Variants in XKR6 observed in about 807,000 individuals in gnomAD.
The protein encoded by XKR6 is XK related 6.
A neutral mutation model predicts 56.7 loss-of-function variants in XKR6; 22 were observed. The ratio of observed to expected loss-of-function variants is 0.39; its 90% CI spans 0.28 to 0.55. The LOEUF (loss-of-function observed/expected upper bound fraction) is 0.55, where lower values mean the gene tolerates loss of function less well. XKR6 is among the 20% of genes least tolerant of loss of function. The pLI is 0.66. For synonymous variants in XKR6, 524 were observed against 387.8 expected, an observed-to-expected ratio of 1.35 and a Z score of -4.13; for missense variants, 852 against 889.0, an observed-to-expected ratio of 0.96 and a Z score of 0.53.
chr8:11,173,642 C>T (rs1049506759), intron 1 of XKR6, among the ~76,000 whole-genome samples: 5 of 152,030 alleles, frequency 3.3e-5, no homozygotes, highest in Middle Eastern at 3.2e-3. Flanking sequence ...CGTTGGGTGT[C>T]CTGTACATGG....
rs928482384 is a variant in XKR6 at position 10,897,592 on chromosome 8, CT to C, written c.*359del. The C allele has an allele frequency of 3.1e-3, 516 of 166,946 alleles. No individual in the cohort carries two copies. The highest frequency in any genetic ancestry group is 8.4e-3 in the Middle Eastern group (3 of 356). 10.3% of individuals were successfully genotyped at this position (166,946 alleles called of 1,614,324 possible). A position where few individuals can be genotyped will look rare whatever the true frequency, so the allele number is the denominator to read the frequency against. On this transcript the variant is annotated 3_prime_UTR_variant, in exon 3 of 3. Transcript: ENST00000416569. ...TCTACACTTGGTGTAAGGTAAAAAA[CT>C]TTTTTTTTTTCTTTTGGAGTGGAGA...
At chr8:10,960,037 G>C (rs1802014363) in intron 1 of XKR6, among the ~76,000 whole-genome samples, 1 of 152,178 alleles carries the variant, frequency 6.6e-6, no homozygotes, top group Admixed American at 6.5e-5. Flanking sequence ...ATTTGCACCT[G>C]GCACCTTGTG....
chr8:11,190,428 T>C (rs1010051913), intron 1 of XKR6, among the ~76,000 whole-genome samples: 1 of 152,178 alleles, frequency 6.6e-6, no homozygotes, highest in Admixed American at 6.5e-5. Flanking sequence ...ACCTACATAT[T>C]CCTTTGTGTA....
intron 1 of XKR6, among the ~76,000 whole-genome samples, chr8:11,028,392 T>A (rs1798918245): frequency 6.6e-6 from 1 of 152,268 alleles, no homozygotes; most frequent in Non-Finnish European, 1.5e-5. Context: ...TCAGTAAGTA[T>A]GAATAAAGCT....
At chr8:11,190,482 G>C (rs1220810555) in intron 1 of XKR6, among the ~76,000 whole-genome samples, 7 of 152,156 alleles carry the variant, frequency 4.6e-5, no homozygotes, top group Non-Finnish European at 1.0e-4. Flanking sequence ...CCCTGAGAAA[G>C]AGAATGGAGT....
chr8:11,118,593 T>C (rs1437813209), intron 1 of XKR6, among the ~76,000 whole-genome samples: 1 of 152,194 alleles, frequency 6.6e-6, no homozygotes, highest in Non-Finnish European at 1.5e-5. Flanking sequence ...AGTTTATTTG[T>C]GTAGAGGTGT....
At chr8:11,039,290 G>A (rs1236314612) in intron 1 of XKR6, among the ~76,000 whole-genome samples, 1 of 152,236 alleles carries the variant, frequency 6.6e-6, no homozygotes, top group South Asian at 2.1e-4. Flanking sequence ...CAAAAGGCAG[G>A]AGGAAGCAAC....
chr8:10,979,996 G>A (rs1231431774), intron 1 of XKR6, among the ~76,000 whole-genome samples: 8 of 152,212 alleles, frequency 5.3e-5, no homozygotes, highest in African/African-American at 1.4e-4. Flanking sequence ...CTGCTGCCCC[G>A]TCCTGGCTCA....
chr8:11,130,898 A>G (rs1338418937), intron 1 of XKR6, among the ~76,000 whole-genome samples: 2 of 152,136 alleles, frequency 1.3e-5, no homozygotes, highest in Non-Finnish European at 1.5e-5. Flanking sequence ...AACCTTGCAG[A>G]GCAGCAAATG....
intron 1 of XKR6, among the ~76,000 whole-genome samples, chr8:11,113,562 C>CT (rs1799010335): frequency 6.6e-6 from 1 of 152,094 alleles, no homozygotes; most frequent in Non-Finnish European, 1.5e-5. Context: ...CATTACAATT[C>CT]TTTAACATAG....
Position 11,200,568 on chromosome 8 carries a change from G to C in XKR6, c.764+8C>G, listed in dbSNP as rs761547779. On this transcript the variant is annotated splice_region_variant and intron_variant, in intron 1 of 2. Transcript: ENST00000416569. This position sits in a 1 kb window ranked among gnomAD's most constrained non-coding sequence, Gnocchi z 6.4. The stretch of plus-strand genomic sequence containing the variant: ...GGCCGGCCCGCCCCCACCCCGCAGT[G>C]CTCTTACCTCCACACCTGCCCCATC... 6.8e-7 allele frequency: 1 copy of C among 1,479,608 alleles called. No homozygotes were observed. The highest frequency in any genetic ancestry group is 1.5e-5 in the African/African-American group (1 of 67,516). The allele number at this position is 1,479,608 out of a possible 1,614,324, so 91.7% of individuals were successfully genotyped here. A position where few individuals can be genotyped will look rare whatever the true frequency, so the allele number is the denominator to read the frequency against.
At chr8:10,984,722 C>CTATATA (rs1353804781) in intron 1 of XKR6, among the ~76,000 whole-genome samples, 10 of 79,198 alleles carry the variant, frequency 1.3e-4, no homozygotes, top group African/African-American at 5.7e-4. Context: ...CTCTCTCTCT[C>CTATATA]TCTCTCTCTC....
intron 1 of XKR6, among the ~76,000 whole-genome samples, chr8:11,084,214 T>A (rs1032435605): frequency 3.3e-5 from 5 of 152,244 alleles, no homozygotes; most frequent in African/African-American, 9.6e-5. Flanking sequence ...CTAATTAGGT[T>A]ATGACTTCAA....
At chr8:10,918,554 C>T (rs1208695905) in intron 2 of XKR6, among the ~76,000 whole-genome samples, 1 of 152,224 alleles carries the variant, frequency 6.6e-6, no homozygotes, top group African/African-American at 2.4e-5. Context: ...TATCTGTCTC[C>T]TCCAGACTCA....
chr8:11,013,824 G>A (rs539255172), intron 1 of XKR6, among the ~76,000 whole-genome samples: 1 of 152,364 alleles, frequency 6.6e-6, no homozygotes, highest in South Asian at 2.1e-4. Context: ...GGAATTTGCT[G>A]TGTGAAGTCC....
intron 1 of XKR6, among the ~76,000 whole-genome samples, chr8:11,030,011 G>T (rs1330854806): frequency 1.3e-5 from 2 of 152,038 alleles, no homozygotes; most frequent in African/African-American, 4.8e-5. Context: ...AAACCATGTA[G>T]ATCACTCCAC....
intron 1 of XKR6, among the ~76,000 whole-genome samples, chr8:11,084,985 C>T (rs1189730807): frequency 6.6e-6 from 1 of 152,264 alleles, no homozygotes; most frequent in South Asian, 2.1e-4. Flanking sequence ...GTAAATGCCC[C>T]GCAACCACCT....
At chr8:11,034,453 A>G (rs1232685556) in intron 1 of XKR6, among the ~76,000 whole-genome samples, 1 of 152,198 alleles carries the variant, frequency 6.6e-6, no homozygotes, top group Non-Finnish European at 1.5e-5. Flanking sequence ...CTCCAGGTGA[A>G]ATGTACCACA....
intron 1 of XKR6, among the ~76,000 whole-genome samples, chr8:11,160,927 A>AAG (rs1268778199): frequency 3.3e-5 from 5 of 151,270 alleles, no homozygotes; most frequent in Non-Finnish European, 4.4e-5. Flanking sequence ...AAAAAAAAAA[A>AAG]AAAAGAAAAA....
Sources: gnomAD v4.1 joint callset for allele counts (sites outside exome capture counted in the v4.1 genomes callset) on GRCh38, gnomAD v4.1.1 for gene constraint, Gnocchi (gnomAD v3.1) non-coding constraint, MANE v1.5 for transcripts, NCBI Gene and HGNC (gene_info 2026-07-23, HGNC 2026-07-21) for gene names.